The following PABPC4L variants were observed in gnomAD, a reference collection of about 807,000 sequenced individuals.
The protein encoded by PABPC4L is poly(A) binding protein cytoplasmic 4 like.
For synonymous variants in PABPC4L, 169 were observed against 164.1 expected (o/e 1.03, Z -0.23); for missense variants, 452 against 451.4 (o/e 1.00, Z -0.01).
chr4:134,192,352 A>G (rs1036462168), downstream of PABPC4L, among the ~76,000 whole-genome samples: 7 of 152,084 alleles, frequency 4.6e-5, no homozygotes, highest in African/African-American at 1.4e-4. Flanking sequence ...GACACAGACT[A>G]TATTATTGTT....
the PABPC4L span, among the ~76,000 whole-genome samples, chr4:134,026,125 T>C: frequency 2.6e-5 from 4 of 152,166 alleles, no homozygotes; most frequent in Non-Finnish European, 4.4e-5. Flanking sequence ...GAGTTTATAA[T>C]TGGCACTTGT....
chr4:133,953,407 G>A, the PABPC4L span, among the ~76,000 whole-genome samples: 436 of 152,136 alleles, frequency 2.9e-3, 2 homozygotes, highest in Non-Finnish European at 3.6e-3. Flanking sequence ...TTCCTCAATT[G>A]GTTTCTCATT....
chr4:134,009,697 C>T, the PABPC4L span, among the ~76,000 whole-genome samples: 4 of 151,952 alleles, frequency 2.6e-5, no homozygotes, highest in Admixed American at 6.6e-5. Flanking sequence ...ATTCATTGAA[C>T]TAGTAGAGTT....
At chr4:134,086,392 C>A in the PABPC4L span, among the ~76,000 whole-genome samples, 94 of 152,246 alleles carry the variant, frequency 6.2e-4, no homozygotes, top group Non-Finnish European at 4.4e-5. Context: ...TAAATGGATG[C>A]ATCATCTACT....
the PABPC4L span, among the ~76,000 whole-genome samples, chr4:134,168,477 A>C: frequency 5.3e-5 from 8 of 151,918 alleles, no homozygotes; most frequent in East Asian, 1.5e-3. Flanking sequence ...ATGAAAGAAA[A>C]AGTTGGTTTC....
chr4:134,082,081 C>T, the PABPC4L span, among the ~76,000 whole-genome samples: 3 of 152,040 alleles, frequency 2.0e-5, no homozygotes, highest in Admixed American at 6.6e-5. Flanking sequence ...CGAGGTTCAG[C>T]GGCATCATTC....
At chr4:134,161,968 CTT>C in the PABPC4L span, among the ~76,000 whole-genome samples, 1 of 151,992 alleles carries the variant, frequency 6.6e-6, no homozygotes, top group Admixed American at 6.6e-5. Flanking sequence ...GTGTTTATTT[CTT>C]TTCTTTCTTT....
the PABPC4L span, among the ~76,000 whole-genome samples, chr4:134,095,390 A>C: frequency 6.6e-6 from 1 of 152,026 alleles, no homozygotes. Flanking sequence ...ATTTAAACAA[A>C]TGCATGTTTA....
At chr4:134,026,566 T>C in the PABPC4L span, among the ~76,000 whole-genome samples, 1 of 152,166 alleles carries the variant, frequency 6.6e-6, no homozygotes, top group African/African-American at 2.4e-5. Flanking sequence ...TGCCATATCC[T>C]TGTGTATTCC....
the PABPC4L span, among the ~76,000 whole-genome samples, chr4:134,109,639 T>TA: frequency 2.0e-4 from 31 of 151,956 alleles, no homozygotes; most frequent in Admixed American, 4.6e-4. Flanking sequence ...AAAAAATTAA[T>TA]AAAAAAATTA....
At chr4:134,123,310 A>G in the PABPC4L span, among the ~76,000 whole-genome samples, 2 of 152,074 alleles carry the variant, frequency 1.3e-5, no homozygotes, top group Non-Finnish European at 2.9e-5. Flanking sequence ...ATGCTTAGAG[A>G]CAATTTTAAA....
Position 134,199,825 on chromosome 4 carries a change from T to C in PABPC4L, c.*82A>G. 1 of 1,474,552 alleles carries C rather than the reference T, an allele frequency of 6.8e-7. No individual in the cohort carries two copies. Among genetic ancestry groups the C allele is most frequent in the Non-Finnish European group, 9.0e-7 (1 of 1,107,782 alleles). 91.3% of individuals were successfully genotyped at this position (1,474,552 alleles called of 1,614,324 possible). On this transcript the variant is annotated 3_prime_UTR_variant, in exon 2 of 2. Coordinates refer to ENST00000421491, the MANE Select transcript of PABPC4L (RefSeq NM_001114734.2). ...GCACCCATCATGTGGAATATGAAAT[T>C]TACTGAGGTCAATTCAGGCAGAGAT...
At chr4:134,074,566 G>A in the PABPC4L span, among the ~76,000 whole-genome samples, 1 of 152,006 alleles carries the variant, frequency 6.6e-6, no homozygotes, top group African/African-American at 2.4e-5. Context: ...ACATTTTCTG[G>A]TATCTTTACA....
chr4:133,978,453 A>G, the PABPC4L span, among the ~76,000 whole-genome samples: 2 of 152,030 alleles, frequency 1.3e-5, no homozygotes, highest in African/African-American at 4.8e-5. Flanking sequence ...ACAAATAATA[A>G]TAATAACGAC....
the PABPC4L span, among the ~76,000 whole-genome samples, chr4:134,155,410 G>A: frequency 0.7 from 104,505 of 150,072 alleles, 37,661 homozygotes; most frequent in East Asian, 1. Flanking sequence ...TTCTCTCCCA[G>A]TTCACACACA....
At chr4:133,965,856 C>G in the PABPC4L span, among the ~76,000 whole-genome samples, 1 of 151,910 alleles carries the variant, frequency 6.6e-6, no homozygotes, top group African/African-American at 2.4e-5. Flanking sequence ...GACTTGAAAC[C>G]ATAAAAATTC....
the PABPC4L span, among the ~76,000 whole-genome samples, chr4:134,023,234 C>T: frequency 1.3e-5 from 2 of 152,274 alleles, no homozygotes; most frequent in African/African-American, 4.8e-5. Flanking sequence ...TGAGGAATGG[C>T]TGCTCTATGC....
chr4:134,072,941 G>T, the PABPC4L span, among the ~76,000 whole-genome samples: 1 of 151,922 alleles, frequency 6.6e-6, no homozygotes, highest in Non-Finnish European at 1.5e-5. Flanking sequence ...CCTCCCAGTG[G>T]GTCCCTCCCA....
chr4:134,133,741 G>A, the PABPC4L span, among the ~76,000 whole-genome samples: 2 of 151,656 alleles, frequency 1.3e-5, no homozygotes, highest in Non-Finnish European at 2.9e-5. Flanking sequence ...TACAGGGATG[G>A]GTGCGCCAAA....
Sources: allele counts gnomAD v4.1 joint callset (sites outside exome capture counted in the v4.1 genomes callset), GRCh38; gene constraint gnomAD v4.1.1; transcripts MANE v1.5; gene names NCBI Gene and HGNC (gene_info 2026-07-23, HGNC 2026-07-21).